Variants in METTL15 observed in about 807,000 individuals in gnomAD.
METTL15 encodes methyltransferase 15, mitochondrial 12S rRNA N4-cytidine.
In METTL15, 34 loss-of-function variants were observed where a neutral mutation model predicts 38.3. The ratio of observed to expected loss-of-function variants is 0.89; its 90% CI spans 0.68 to 1.18. The LOEUF is 1.18. METTL15 is among the 50% of genes most tolerant of loss of function. The pLI, the probability that METTL15 is intolerant of heterozygous loss-of-function variation, is 0.00. For missense variants in METTL15, 438 were observed against 498.4 expected (o/e 0.88, Z 1.15); for synonymous variants, 162 against 170.9 (o/e 0.95, Z 0.41).
chr11:28,440,821 C>T (rs1388097047), intron 6 of METTL15, among the ~76,000 whole-genome samples: 1 of 152,112 alleles, frequency 6.6e-6, no homozygotes, highest in Admixed American at 6.6e-5. Flanking sequence ...TCCTCCAGCC[C>T]TCTGCCATTA....
intron 3 of METTL15, among the ~76,000 whole-genome samples, chr11:28,137,159 G>T (rs1849542091): frequency 6.6e-6 from 1 of 152,112 alleles, no homozygotes; most frequent in African/African-American, 2.4e-5. Flanking sequence ...ATAAAACCTT[G>T]TTGTACTTCT....
chr11:28,301,122 C>A (rs543545374), intron 6 of METTL15, among the ~76,000 whole-genome samples: 1 of 152,074 alleles, frequency 6.6e-6, no homozygotes, highest in African/African-American at 2.4e-5. Context: ...GAACTGGCTC[C>A]TACCTGTCTT....
chr11:28,149,478 C>G (rs1003576987), intron 3 of METTL15, among the ~76,000 whole-genome samples: 2 of 151,898 alleles, frequency 1.3e-5, no homozygotes, highest in African/African-American at 4.8e-5. Context: ...ATTTTTTAGA[C>G]TGGAAATCAA....
In METTL15 at chr11:28,330,361, GTCT is replaced by G. The variant is rs1185406420; in HGVS notation, c.779-30_779-28del. The G allele has an allele frequency of 2.9e-5, 42 of 1,465,062 alleles. No individual in the cohort carries two copies. In the East Asian group the frequency reaches 9.7e-4, roughly 34 times the overall value. The allele number at this position is 1,465,062 out of a possible 1,614,324, so 90.8% of individuals were successfully genotyped here. A position where few individuals can be genotyped will look rare whatever the true frequency, so the allele number is the denominator to read the frequency against. On this transcript the variant is annotated intron_variant, in intron 6 of 6. Transcript: ENST00000407364. Reference sequence around the variant, plus strand: ...ACAGTGAAAAATATTAATGTTACCGGTCTTCTTTTCCTATCTTTACAACATTTG... The same window carrying G: ...ACAGTGAAAAATATTAATGTTACCGGTCTTTTCCTATCTTTACAACATTTG...
rs190399594 is a variant in METTL15 at position 28,327,210 on chromosome 11, G to A, written c.779-3186G>A. On this transcript the variant is annotated intron_variant, in intron 6 of 6. Coordinates refer to ENST00000407364, the MANE Select transcript of METTL15 (RefSeq NM_001113528.2). ...TGGGACTTAGTGAGGTTGACAGGAC[G>A]ACATCTAGAAACGTCTTCCAGGAAA... 1.1e-3 allele frequency among the ~76,000 whole-genome samples: 173 copies of A among 152,264 alleles called. 1 individual carries two copies. Among genetic ancestry groups the A allele is most frequent in the Non-Finnish European group, 4.9e-4 (33 of 68,024 alleles).
At chr11:28,122,333 ATGTGTGTGTGTGTGTG>A (rs61147516) in intron 3 of METTL15, among the ~76,000 whole-genome samples, 2 of 112,042 alleles carry the variant, frequency 1.8e-5, no homozygotes, top group East Asian at 2.7e-4. Context: ...ATGTGTGTAT[ATGTGTGTGTGTGTGTG>A]TGTGTGTGTG....
At chr11:28,157,679 TC>T (rs1850309855) in intron 3 of METTL15, among the ~76,000 whole-genome samples, 1 of 152,118 alleles carries the variant, frequency 6.6e-6, no homozygotes, top group Non-Finnish European at 1.5e-5. Flanking sequence ...CATTCCATCA[TC>T]AAATGGAAGT....
At chr11:28,422,666 T>A (rs901498749) in intron 5 of METTL15, among the ~76,000 whole-genome samples, 22 of 151,920 alleles carry the variant, frequency 1.4e-4, no homozygotes, top group African/African-American at 4.3e-4. Flanking sequence ...AAATTAAACC[T>A]CTATCCCTTG....
At chr11:28,526,679 A>AGGTTC (rs1851814470) in exon 8 of METTL15, 3 of 152,224 alleles carry the variant, frequency 2.0e-5, no homozygotes, top group Non-Finnish European at 4.4e-5. Context: ...AGAGGTTCAG[A>AGGTTC]AGAAACAAAG....
intron 3 of METTL15, among the ~76,000 whole-genome samples, chr11:28,174,919 T>C (rs886227489): frequency 2.7e-5 from 4 of 149,872 alleles, no homozygotes; most frequent in African/African-American, 9.7e-5. Flanking sequence ...GGAATTCTTT[T>C]TTTTTAAATT....
chr11:28,295,186 T>C (rs1341775156), intron 5 of METTL15, among the ~76,000 whole-genome samples: 1 of 152,122 alleles, frequency 6.6e-6, no homozygotes, highest in Non-Finnish European at 1.5e-5. Flanking sequence ...GTTCCAGGCA[T>C]TGTATTTCTG....
intron 5 of METTL15, among the ~76,000 whole-genome samples, chr11:28,386,004 A>G (rs1469444605): frequency 1.3e-5 from 2 of 152,122 alleles, no homozygotes; most frequent in Non-Finnish European, 2.9e-5. Flanking sequence ...AAATGACTAG[A>G]GTTTTTGTAT....
chr11:28,147,297 A>G lies in METTL15; in HGVS notation c.270+33693A>G, dbSNP rs980396487. Among the ~76,000 whole-genome samples the G allele has an allele frequency of 2.6e-4, 39 of 151,856 alleles. 2 individuals carry two copies. Among genetic ancestry groups the G allele is most frequent in the Non-Finnish European group, 4.4e-5 (3 of 67,806 alleles). ...GCATTTTAGTGTGCTGTCTAGTGCC[A>G]GATTCAGGCGTTATGCTAAAGGAAA... On this transcript the variant is annotated intron_variant, in intron 3 of 6. Coordinates refer to ENST00000407364, the MANE Select transcript of METTL15 (RefSeq NM_001113528.2).
At chr11:28,225,220 A>G (rs1178761909) in intron 4 of METTL15, among the ~76,000 whole-genome samples, 1 of 151,844 alleles carries the variant, frequency 6.6e-6, no homozygotes, top group Non-Finnish European at 1.5e-5. Context: ...TGGCTGTATT[A>G]TCTAAAATAA....
At chr11:28,218,921 G>A (rs12294960) in intron 4 of METTL15, among the ~76,000 whole-genome samples, 13,209 of 152,108 alleles carry the variant, frequency 0.087, 1,025 homozygotes, top group East Asian at 0.36. Context: ...ACTTGATCAT[G>A]GTGGATAAGC....
chr11:28,441,149 AT>A (rs889417212), intron 6 of METTL15, among the ~76,000 whole-genome samples: 7 of 145,232 alleles, frequency 4.8e-5, no homozygotes, highest in South Asian at 2.2e-4. Context: ...GAAATGTCTC[AT>A]TTTTTTTTTC....
downstream of METTL15, among the ~76,000 whole-genome samples, chr11:28,529,608 T>TG (rs1359058165): frequency 3.3e-5 from 3 of 89,676 alleles, no homozygotes; most frequent in Admixed American, 3.6e-4. Context: ...TAGCAGGGGG[T>TG]GGGGGGCGGG....
At chr11:28,375,393 G>A (rs1454481008) in intron 5 of METTL15, among the ~76,000 whole-genome samples, 1 of 151,882 alleles carries the variant, frequency 6.6e-6, no homozygotes, top group Non-Finnish European at 1.5e-5. Flanking sequence ...GTTTAGTCTT[G>A]GGATAGTGTA....
chr11:28,199,598 T>TGGAA (rs1852032506), intron 3 of METTL15, among the ~76,000 whole-genome samples: 1 of 152,104 alleles, frequency 6.6e-6, no homozygotes, highest in African/African-American at 2.4e-5. Flanking sequence ...GAGGGAGATA[T>TGGAA]GGAAGGTAGG....
Sources: allele counts gnomAD v4.1 joint callset (sites outside exome capture counted in the v4.1 genomes callset), GRCh38; gene constraint gnomAD v4.1.1; transcripts MANE v1.5; gene names NCBI Gene and HGNC (gene_info 2026-07-23, HGNC 2026-07-21).